SORBS2: variants seen among roughly 807,000 people sequenced by gnomAD.
SORBS2 encodes the protein sorbin and SH3 domain containing 2.
A neutral mutation model predicts 97.7 loss-of-function variants in SORBS2; 46 were observed. The ratio of observed to expected loss-of-function variants is 0.47; its 90% CI spans 0.37 to 0.60. The LOEUF (loss-of-function observed/expected upper bound fraction) is 0.60. SORBS2 is among the 20% of genes least tolerant of loss of function. The pLI, the probability that SORBS2 is intolerant of heterozygous loss-of-function variation, is 0.00. For synonymous variants in SORBS2, 476 were observed against 473.4 expected (o/e 1.01, Z -0.07); for missense variants, 1,316 against 1,282.3 (o/e 1.03, Z -0.40).
At chr4:185,775,041 A>G (rs893259584) in intron 2 of SORBS2, 186 bp downstream of exon 2, 13 of 152,194 alleles carry the variant, frequency 8.5e-5, no homozygotes, top group Admixed American at 2.0e-4. Flanking sequence ...GAGAGCTTTA[A>G]GCAAAGTTTA....
chr4:185,686,853 T>TG (rs1159750637), intron 2 of SORBS2, among the ~76,000 whole-genome samples: 2 of 152,134 alleles, frequency 1.3e-5, no homozygotes, highest in African/African-American at 2.4e-5. Flanking sequence ...ATGAGGGTGT[T>TG]GGGGGGTAGT....
chr4:185,655,468 G>A (rs1167381937), intron 1 of SORBS2, among the ~76,000 whole-genome samples: 1 of 152,162 alleles, frequency 6.6e-6, no homozygotes, highest in African/African-American at 2.4e-5. Flanking sequence ...TACTCTGGAG[G>A]GCTGTATAGT....
intron 4 of SORBS2, among the ~76,000 whole-genome samples, chr4:185,637,551 C>T (rs1471952624): frequency 1.3e-5 from 2 of 152,148 alleles, no homozygotes; most frequent in Non-Finnish European, 2.9e-5. Flanking sequence ...ACAGGCTCTG[C>T]GTTTAACTTC....
chr4:185,611,708 C>T, intron 12 of SORBS2, 72 bp downstream of exon 24: 1 of 1,203,268 alleles, frequency 8.3e-7, no homozygotes, highest in Non-Finnish European at 1.2e-6. Flanking sequence ...AATCTAATAT[C>T]CTAAAGTCAC....
intron 4 of SORBS2, chr4:185,677,664 A>G: frequency 2.1e-6 from 3 of 1,458,944 alleles, no homozygotes; most frequent in Non-Finnish European, 2.7e-6. Context: ...GATCCAGAGA[A>G]AGAAATAAAG....
chr4:185,619,487 T>G (rs562440131), intron 8 of SORBS2, among the ~76,000 whole-genome samples: 85 of 152,286 alleles, frequency 5.6e-4, no homozygotes, highest in African/African-American at 2.0e-3. Context: ...TTAGTTTCCA[T>G]CCAGCCGTCA....
chr4:185,615,612 A>G (rs886626637), intron 9 of SORBS2, among the ~76,000 whole-genome samples: 9 of 152,072 alleles, frequency 5.9e-5, no homozygotes, highest in African/African-American at 2.2e-4. Flanking sequence ...AACAAATATC[A>G]TGTAGCCTCA....
chr4:185,837,367 T>A (rs2099208671), intron 1 of SORBS2, among the ~76,000 whole-genome samples: 1 of 152,238 alleles, frequency 6.6e-6, no homozygotes, highest in Admixed American at 6.5e-5. Flanking sequence ...TTGAAACTGC[T>A]GAATTTCAGC....
At chr4:185,620,786 C>T (rs1168521130) in intron 7 of SORBS2, among the ~76,000 whole-genome samples, 8 of 152,082 alleles carry the variant, frequency 5.3e-5, no homozygotes, top group Non-Finnish European at 1.0e-4. Context: ...ATGATAAACA[C>T]CTTATCAGAA....
At chr4:185,614,159 GTTTTTTTTTTT>G (rs34929054) in intron 11 of SORBS2, among the ~76,000 whole-genome samples, 3 of 91,624 alleles carry the variant, frequency 3.3e-5, no homozygotes, top group Non-Finnish European at 6.0e-5. Flanking sequence ...GTTTTTTTGT[GTTTTTTTTTTT>G]TTTTTTTTTT....
intron 4 of SORBS2, 49 bp from the exon 14 acceptor site, chr4:185,639,084 G>A (rs1253985406): frequency 6.8e-7 from 1 of 1,466,224 alleles, no homozygotes; most frequent in Non-Finnish European, 9.0e-7. Context: ...GGAGGCTCTG[G>A]GCGGAACCGC....
intron 1 of SORBS2, among the ~76,000 whole-genome samples, chr4:185,805,498 T>C (rs575468119): frequency 6.6e-6 from 1 of 152,308 alleles, no homozygotes; most frequent in South Asian, 2.1e-4. Flanking sequence ...CCGGCTGCCA[T>C]TCTAAAGCGA....
At chr4:185,743,263 T>C (rs2098738552) in intron 2 of SORBS2, among the ~76,000 whole-genome samples, 1 of 152,192 alleles carries the variant, frequency 6.6e-6, no homozygotes, top group Admixed American at 6.5e-5. Context: ...TTAATAAGTC[T>C]TTTGAGCTCA....
intron 1 of SORBS2, among the ~76,000 whole-genome samples, chr4:185,878,432 C>T (rs975950785): frequency 6.6e-6 from 1 of 152,138 alleles, no homozygotes; most frequent in African/African-American, 2.4e-5. Flanking sequence ...GCCTTATTTC[C>T]CCATCTTGGT....
rs148228689 is a variant in SORBS2 at position 185,831,140 on chromosome 4, G to A, written c.-337-55774C>T. On this transcript the variant is annotated intron_variant, in intron 1 of 20. Coordinates refer to the SORBS2 transcript ENST00000284776. ...ACACTTGATCGTACACTCTAAAATG[G>A]ACCCAACATGGTCATCTAGAACTGG... Among the ~76,000 whole-genome samples, 966 of 152,218 alleles carry A rather than the reference G, an allele frequency of 6.3e-3. 5 individuals carry two copies. Among genetic ancestry groups the A allele is most frequent in the Non-Finnish European group, 8.9e-3 (602 of 68,016 alleles).
chr4:185,622,815 T>C lies in SORBS2; in HGVS notation c.2215+99A>G, dbSNP rs1213727196. 3 of 1,235,614 alleles carry C rather than the reference T, an allele frequency of 2.4e-6. No homozygotes were observed. In the East Asian group the frequency reaches 7.0e-5, roughly 29 times the overall value. 76.5% of individuals were successfully genotyped at this position (1,235,614 alleles called of 1,614,324 possible). ...CACAACACATAACGACGCCAAATGG[T>C]CTCCCAGCTCGGGAGTGATGAGATG... On this transcript the variant is annotated intron_variant, in intron 7 of 14. Coordinates refer to ENST00000418609, the Ensembl canonical transcript of SORBS2.
At chr4:185,825,210 TTG>T (rs1491320616) in intron 1 of SORBS2, among the ~76,000 whole-genome samples, 2 of 82,118 alleles carry the variant, frequency 2.4e-5, no homozygotes, top group African/African-American at 4.6e-5. Context: ...GTTCTGTTTT[TTG>T]TTTTTTTTTT....
intron 1 of SORBS2, among the ~76,000 whole-genome samples, chr4:185,852,916 C>T (rs1336731277): frequency 6.6e-6 from 1 of 152,156 alleles, no homozygotes; most frequent in Non-Finnish European, 1.5e-5. Flanking sequence ...CTGTTTGACC[C>T]CTTGGTCCTG....
At chr4:185,842,228 C>T (rs963977662) in intron 1 of SORBS2, among the ~76,000 whole-genome samples, 5 of 152,126 alleles carry the variant, frequency 3.3e-5, no homozygotes, top group African/African-American at 1.2e-4. Context: ...ACTAAGGAGG[C>T]CACATGTGAG....
Sources: allele counts gnomAD v4.1 joint callset (sites outside exome capture counted in the v4.1 genomes callset), GRCh38; gene constraint gnomAD v4.1.1; transcripts MANE v1.5; gene names NCBI Gene and HGNC (gene_info 2026-07-23, HGNC 2026-07-21).